The following ABCC11 variants were observed in gnomAD, a reference collection of about 807,000 sequenced individuals.
The protein encoded by ABCC11 is ATP binding cassette subfamily C member 11.
A neutral mutation model predicts 149.3 loss-of-function variants in ABCC11; 135 were observed. The ratio of observed to expected loss-of-function variants is 0.90; its 90% CI spans 0.79 to 1.04. The LOEUF (loss-of-function observed/expected upper bound fraction) is 1.04, where lower values mean the gene tolerates loss of function less well. Ranked by LOEUF, ABCC11 falls within the 50% of genes least tolerant of loss-of-function variation. The probability of loss-of-function intolerance (pLI) is 0.00; values close to 1 mark genes in which losing one functional copy is unlikely to be tolerated. For missense variants in ABCC11, 1,680 were observed against 1,722.1 expected (o/e 0.98, Z 0.43); for synonymous variants, 665 against 671.4 (o/e 0.99, Z 0.15).
intron 28 of ABCC11, 50 bp from the exon 29 acceptor site, chr16:48,167,710 C>A (rs774476504): frequency 1.4e-5 from 22 of 1,600,510 alleles, no homozygotes; most frequent in Non-Finnish European, 1.5e-5. Flanking sequence ...GCCCTAGAGA[C>A]CTGGGTCTAG....
chr16:48,224,570 A>C, intron 4 of ABCC11, 141 bp from the exon 5 acceptor site: 1 of 892,156 alleles, frequency 1.1e-6, no homozygotes, highest in Non-Finnish European at 1.6e-6. Flanking sequence ...CTGAGTACTC[A>C]TCCCCCTTTC....
intron 6 of ABCC11, among the ~76,000 whole-genome samples, chr16:48,221,598 A>G (rs532539669): frequency 7.2e-5 from 11 of 152,350 alleles, no homozygotes; most frequent in Admixed American, 6.5e-4. Context: ...AAGTCTTCCC[A>G]TACCCTCACC....
chr16:48,227,880 G>A lies in ABCC11; in HGVS notation c.321C>T (p.Ser107=), dbSNP rs763334709. The A allele has an allele frequency of 3.7e-6, 6 of 1,614,042 alleles. No individual in the cohort carries two copies. Among genetic ancestry groups the A allele is most frequent in the Non-Finnish European group, 5.1e-6 (6 of 1,180,032 alleles). The stretch of plus-strand genomic sequence containing the variant: ...TGTTCTCATCTAAGCGACTCCGTAA[G>A]CTTTGGATCATGAGCGGGGTGAGCC... The part of the protein sequence containing the change: ...VSWLTPLMIQ[S]LRSRLDENTI... The change falls in exon 4 of 30, where the codon AGC becomes AGT. Residue 107 remains serine, a synonymous_variant. Coordinates refer to ENST00000356608, the MANE Select transcript of ABCC11 (RefSeq NM_001370497.1).
At chr16:48,220,111 T>C (rs1263200041) in intron 6 of ABCC11, among the ~76,000 whole-genome samples, 2 of 152,232 alleles carry the variant, frequency 1.3e-5, no homozygotes, top group African/African-American at 4.8e-5. Context: ...ATGAAGATGT[T>C]TGAGGAAACT....
intron 18 of ABCC11, among the ~76,000 whole-genome samples, chr16:48,195,765 T>G: frequency 6.6e-6 from 1 of 152,206 alleles, no homozygotes; most frequent in East Asian, 1.9e-4. Flanking sequence ...GTGGCCGCTA[T>G]TTTCTCTCCG....
intron 6 of ABCC11, among the ~76,000 whole-genome samples, chr16:48,219,627 G>T (rs1312914997): frequency 6.6e-6 from 1 of 152,256 alleles, no homozygotes; most frequent in Admixed American, 6.5e-5. Context: ...ATTAATTTTA[G>T]TGCAAGAGAA....
intron 19 of ABCC11, among the ~76,000 whole-genome samples, chr16:48,193,533 C>G (rs1188001603): frequency 6.6e-6 from 1 of 152,138 alleles, no homozygotes; most frequent in Admixed American, 6.5e-5. Flanking sequence ...GCTCACAAGA[C>G]CAGAAGTATA....
rs1202048363 is a variant in ABCC11, at chr16:48,175,238, C to G, written c.3698+20G>C. The G allele has an allele frequency of 1.3e-6, 2 of 1,591,046 alleles. No homozygotes were observed. Among genetic ancestry groups the G allele is most frequent in the African/African-American group, 2.7e-5 (2 of 74,638 alleles). On this transcript the variant is annotated intron_variant, in intron 26 of 29. Coordinates refer to ENST00000356608, the MANE Select transcript of ABCC11 (RefSeq NM_001370497.1). ...CCTGTGACCCACCTCCTGCAGGCTG[C>G]CTGCTGGCCCGGCACTCACCTGATG... is the stretch of plus-strand genomic sequence containing the variant.
intron 12 of ABCC11, among the ~76,000 whole-genome samples, chr16:48,207,938 C>T (rs1474326087): frequency 6.6e-6 from 1 of 152,058 alleles, no homozygotes; most frequent in Non-Finnish European, 1.5e-5. Flanking sequence ...CTTCTTTCTC[C>T]CTGTTTCTCC....
intron 23 of ABCC11, among the ~76,000 whole-genome samples, chr16:48,179,691 A>G (rs1344655218): frequency 6.6e-6 from 1 of 152,218 alleles, no homozygotes; most frequent in East Asian, 1.9e-4. Context: ...CACAATGGAG[A>G]AGCCCTGGAG....
chr16:48,174,703 G>A (rs113815334), intron 26 of ABCC11, among the ~76,000 whole-genome samples: 44 of 152,310 alleles, frequency 2.9e-4, no homozygotes, highest in African/African-American at 1.0e-3. Context: ...TGCACAGAGA[G>A]AATAAGCTAC....
chr16:48,237,070 T>G (rs2150932586), intron 1 of ABCC11, among the ~76,000 whole-genome samples: 1 of 152,342 alleles, frequency 6.6e-6, no homozygotes, highest in East Asian at 1.9e-4. Flanking sequence ...TAAACATTAG[T>G]GTTTTAAAAA....
At chr16:48,167,710 C>T (rs774476504) in intron 28 of ABCC11, 50 bp from the exon 29 acceptor site, 2 of 1,600,510 alleles carry the variant, frequency 1.2e-6, no homozygotes, top group South Asian at 1.1e-5. Context: ...GCCCTAGAGA[C>T]CTGGGTCTAG....
At chr16:48,196,184 G>A (rs1048714958) in intron 18 of ABCC11, 48 bp downstream of exon 18, 3 of 1,583,352 alleles carry the variant, frequency 1.9e-6, no homozygotes, top group Non-Finnish European at 2.6e-6. Context: ...CAGTTCCAGG[G>A]ATAGGGCTGC....
At chr16:48,165,701 G>A (rs578086433), downstream of ABCC11, 4 of 152,322 alleles carry the variant, frequency 2.6e-5, no homozygotes, top group East Asian at 7.7e-4. Flanking sequence ...ACCCTCACGA[G>A]ATTCCAAATT....
At chr16:48,232,429 G>T (rs1225230606) in intron 1 of ABCC11, among the ~76,000 whole-genome samples, 1 of 152,170 alleles carries the variant, frequency 6.6e-6, no homozygotes, top group African/African-American at 2.4e-5. Flanking sequence ...AATAAATGAA[G>T]AATGAATGGA....
At chr16:48,205,840 T>C (rs2150840125) in intron 12 of ABCC11, among the ~76,000 whole-genome samples, 1 of 150,090 alleles carries the variant, frequency 6.7e-6, no homozygotes, top group South Asian at 2.1e-4. Flanking sequence ...AGACGGAGTC[T>C]CGCTCTGTCG....
chr16:48,168,089 A>T (rs1248850339), intron 28 of ABCC11, among the ~76,000 whole-genome samples: 1 of 152,208 alleles, frequency 6.6e-6, no homozygotes, highest in East Asian at 1.9e-4. Flanking sequence ...TATTTATTTC[A>T]TTAACGATAT....
At chr16:48,187,638 A>C (rs139236928) in intron 20 of ABCC11, among the ~76,000 whole-genome samples, 53 of 152,272 alleles carry the variant, frequency 3.5e-4, no homozygotes, top group African/African-American at 1.2e-3. Flanking sequence ...GCAAGTACTG[A>C]GTTCCTCTGA....
Sources: allele counts gnomAD v4.1 joint callset (sites outside exome capture counted in the v4.1 genomes callset), GRCh38; gene constraint gnomAD v4.1.1; transcripts MANE v1.5; gene names NCBI Gene and HGNC (gene_info 2026-07-23, HGNC 2026-07-21).